MAP3K9: variants seen among roughly 807,000 people sequenced by gnomAD.
MAP3K9 encodes mitogen-activated protein kinase kinase kinase 9, also known as mixed lineage kinase 1 (tyr and ser/thr specificity).
Under a neutral mutation model 95.8 loss-of-function variants are expected in MAP3K9, and 46 were observed. The ratio of observed to expected loss-of-function variants is 0.48; its 90% CI spans 0.38 to 0.61. MAP3K9 has a LOEUF of 0.61. Ranked by LOEUF, MAP3K9 falls within the 20% of genes least tolerant of loss-of-function variation. The probability of loss-of-function intolerance (pLI) is 0.00; values close to 1 mark genes in which losing one functional copy is unlikely to be tolerated. For missense variants in MAP3K9, 1,296 were observed against 1,474.3 expected (o/e 0.88, Z 1.98); for synonymous variants, 533 against 593.8 (o/e 0.90, Z 1.49).
rs2053833722 is a variant in MAP3K9 at position 70,727,431 on chromosome 14, T to G, written c.*2949A>C. 1 of 152,234 alleles carries G rather than the reference T, an allele frequency of 6.6e-6. No homozygotes were observed. The highest frequency in any genetic ancestry group is 2.4e-5 in the African/African-American group (1 of 41,430). The allele number at this position is 152,234 out of a possible 1,614,324, so 9.4% of individuals were successfully genotyped here. Reference sequence around the variant, plus strand: ...TTCCTATTACCATCTTCCATGAAGTTAGCACCTGCCAAGAGCAGAAGGAAC... The same window carrying G: ...TTCCTATTACCATCTTCCATGAAGTGAGCACCTGCCAAGAGCAGAAGGAAC... On this transcript the variant is annotated 3_prime_UTR_variant, in exon 12 of 12. Transcript: ENST00000554752.
rs2053828693 is a variant in MAP3K9 at position 70,727,052 on chromosome 14, CACTTGA to C, written c.*3322_*3327del. On this transcript the variant is annotated 3_prime_UTR_variant, in exon 12 of 12. Transcript: ENST00000554752. ...TCCAAGCCACTTTTTCATTTCTCTT[CACTTGA>C]ATTTTCATCTTTAAGCATTTCCCCT... 6.6e-6 allele frequency: 1 copy of C among 152,216 alleles called. No individual in the cohort carries two copies. Among genetic ancestry groups the C allele is most frequent in the South Asian group, 2.1e-4 (1 of 4,836 alleles). 9.4% of individuals were successfully genotyped at this position (152,216 alleles called of 1,614,324 possible). A position where few individuals can be genotyped will look rare whatever the true frequency, so the allele number is the denominator to read the frequency against.
chr14:70,730,399 T>C lies in MAP3K9; in HGVS notation c.3296A>G (p.Gln1099Arg). The C allele has an allele frequency of 1.2e-6, 2 of 1,607,864 alleles. No homozygotes were observed. Among genetic ancestry groups the C allele is most frequent in the Non-Finnish European group, 1.7e-6 (2 of 1,174,874 alleles). ...TTCGTGCTAAGACCAGAACTCCTGC[T>C]GGATCTCATAAGGGGCAGGCCTGTG... ...NTHRPAPYEI[Q>R]QEFWS Residue 1099 changes from glutamine to arginine, a missense_variant, in exon 12 of 12, where the codon CAG (glutamine) becomes CGG (arginine). By Grantham distance (43) the Gln-to-Arg change is conservative (BLOSUM62 1). Around this residue, in one of 5 missense-constraint regions of MAP3K9, gnomAD observed 433 missense variants for 441.4 expected, o/e 0.98. Transcript: ENST00000554752.
chr14:70,733,727 G>C lies in MAP3K9; in HGVS notation c.2027-385C>G, dbSNP rs73282810. On this transcript the variant is annotated intron_variant, in intron 10 of 11. Coordinates refer to ENST00000554752, the MANE Select transcript of MAP3K9 (RefSeq NM_001284230.2). ...CTGTTTCCAGGGGAGACTAAGATGG[G>C]AGTCAGGGGGCAGGGAGAGGAAGAC... 4.6e-3 allele frequency: 3,274 copies of C among 718,370 alleles called. 70 individuals carry two copies. The African/African-American group carries it at 0.05, about 11-fold the overall frequency. 44.5% of individuals were successfully genotyped at this position (718,370 alleles called of 1,614,324 possible).
At position 70,742,515 on chromosome 14, in the gene MAP3K9, C is replaced by G; in HGVS notation, c.1403G>C (p.Arg468Pro). Residue 468 changes from arginine (R) to proline (P), a missense_variant, in exon 6 of 12, where the codon CGG (arginine) becomes CCG (proline). By Grantham distance (103) the Arg-to-Pro change is moderately radical. Coordinates refer to ENST00000554752, the MANE Select transcript of MAP3K9 (RefSeq NM_001284230.2). ...CTCCCGCTCGGCCAGCTCCTGCTCCCGACGCCGCAGCAGTTCCTCCTGGTT... is the reference window on the plus strand; with the variant it reads ...CTCCCGCTCGGCCAGCTCCTGCTCCGGACGCCGCAGCAGTTCCTCCTGGTT... The part of the protein sequence containing the change: ...QKNQEELLRR[R>P]EQELAEREID... 6.2e-7 allele frequency: 1 copy of G among 1,614,232 alleles called. No homozygotes were observed. Among genetic ancestry groups the G allele is most frequent in the South Asian group, 1.1e-5 (1 of 91,088 alleles).
In MAP3K9 at chr14:70,730,967, G is replaced by A. The variant is rs2053894097; in HGVS notation, c.2831-103C>T. On this transcript the variant is annotated intron_variant, in intron 11 of 11. Coordinates refer to ENST00000554752, the MANE Select transcript of MAP3K9 (RefSeq NM_001284230.2). The stretch of plus-strand genomic sequence containing the variant: ...CACCACCATATCCCTACGCAATCAG[G>A]AGAACATGAATCACCAAATGTTTGT... The A allele has an allele frequency of 3.1e-6, 4 of 1,273,618 alleles. No homozygotes were observed. In the South Asian group the frequency reaches 6.1e-5, roughly 19 times the overall value. The allele number at this position is 1,273,618 out of a possible 1,614,324, so 78.9% of individuals were successfully genotyped here.
Position 70,724,677 on chromosome 14 carries a change from G to C in MAP3K9, c.*5703C>G, listed in dbSNP as rs2053796558. On this transcript the variant is annotated 3_prime_UTR_variant, in exon 12 of 12. Coordinates refer to ENST00000554752, the MANE Select transcript of MAP3K9 (RefSeq NM_001284230.2). ...CAGGCTTTGTCTGGGTTGGTGTCCA[G>C]GTGTGAAGGATCTCAGGAACAGGCA... The C allele has an allele frequency of 6.6e-6, 1 of 152,252 alleles. No homozygotes were observed. The highest frequency in any genetic ancestry group is 1.5e-5 in the Non-Finnish European group (1 of 68,048). 9.4% of individuals were successfully genotyped at this position (152,252 alleles called of 1,614,324 possible). A position where few individuals can be genotyped will look rare whatever the true frequency, so the allele number is the denominator to read the frequency against.
intron 2 of MAP3K9, among the ~76,000 whole-genome samples, chr14:70,790,203 C>T (rs2139841899): frequency 6.6e-6 from 1 of 152,294 alleles, no homozygotes; most frequent in South Asian, 2.1e-4. Flanking sequence ...CTTGTGGGCT[C>T]CTGTCAACTG....
In MAP3K9 at chr14:70,757,097, AC is replaced by A. The variant is rs572119170; in HGVS notation, c.1001+3904del. 9.2e-5 allele frequency among the ~76,000 whole-genome samples: 14 copies of A among 152,202 alleles called. No individual in the cohort carries two copies. In the East Asian group the frequency reaches 2.7e-3, roughly 29 times the overall value. On this transcript the variant is annotated intron_variant, in intron 3 of 11. Coordinates refer to ENST00000554752, the MANE Select transcript of MAP3K9 (RefSeq NM_001284230.2). ...AAATGAGGTTCAATATACAGATGCT[AC>A]AAAACATCACTGAAAGAAGTTAAAG...
chr14:70,783,306 T>C (rs2139830342), intron 2 of MAP3K9: 3 of 985,210 alleles, frequency 3.0e-6, no homozygotes, highest in South Asian at 9.4e-5. Flanking sequence ...TTCAAATTAG[T>C]CTGACTCTTA....
chr14:70,737,652 G>A (rs8011047), intron 8 of MAP3K9, among the ~76,000 whole-genome samples: 125,013 of 152,206 alleles, frequency 0.82, 51,698 homozygotes, highest in Middle Eastern at 0.91. Flanking sequence ...GTACTACCAG[G>A]GCTGGGTTAT....
chr14:70,748,704 G>A, intron 5 of MAP3K9, 125 bp downstream of exon 5: 4 of 684,920 alleles, frequency 5.8e-6, no homozygotes, highest in South Asian at 2.2e-5. Context: ...TGGAAGGTGG[G>A]CATGCTAGAA....
intron 2 of MAP3K9, among the ~76,000 whole-genome samples, chr14:70,769,167 G>T (rs763219096): frequency 6.6e-6 from 1 of 152,114 alleles, no homozygotes; most frequent in Non-Finnish European, 1.5e-5. Context: ...CACCATGTTT[G>T]TGCCTGTGAA....
At chr14:70,768,279 A>G (rs2054484789) in intron 2 of MAP3K9, among the ~76,000 whole-genome samples, 1 of 152,132 alleles carries the variant, frequency 6.6e-6, no homozygotes, top group African/African-American at 2.4e-5. Flanking sequence ...ATATACACCT[A>G]TTATGTACCC....
At position 70,807,068 on chromosome 14, in the gene MAP3K9, A is replaced by C. The variant is rs1288617828; in HGVS notation, c.406+1698T>G. 2.0e-5 allele frequency among the ~76,000 whole-genome samples: 3 copies of C among 152,194 alleles called. No homozygotes were observed. In the East Asian group the frequency reaches 5.8e-4, roughly 29 times the overall value. Reference sequence around the variant, plus strand: ...TGAAGAAAAATGAAGTTTTAAACTGAATGAGAGGGAGAGGGGGAACCTAAA... The same window carrying C: ...TGAAGAAAAATGAAGTTTTAAACTGCATGAGAGGGAGAGGGGGAACCTAAA... On this transcript the variant is annotated intron_variant, in intron 1 of 11. Coordinates refer to ENST00000554752, the MANE Select transcript of MAP3K9 (RefSeq NM_001284230.2).
rs1566740833 is a variant in MAP3K9, at chr14:70,750,502, T to TTTG, written c.1002-422_1002-421insCAA. 1.7e-4 allele frequency among the ~76,000 whole-genome samples: 26 copies of TTTG among 152,130 alleles called. 1 individual carries two copies. Among genetic ancestry groups the TTTG allele is most frequent in the African/African-American group, 5.8e-4 (24 of 41,488 alleles). ...TTTTTGTTTGTTTGTTTGTTTGTTTTGGGATGGAGTTTCGCTCGGTTGCTC... is the reference window on the plus strand; with the variant it reads ...TTTTTGTTTGTTTGTTTGTTTGTTTTTTGGGGATGGAGTTTCGCTCGGTTGCTC... On this transcript the variant is annotated intron_variant, in intron 3 of 11. Transcript: ENST00000554752.
rs559511820 is a variant in MAP3K9, at chr14:70,795,121, G to A, written c.820+5546C>T. Among the ~76,000 whole-genome samples the A allele has an allele frequency of 3.4e-5, 5 of 148,972 alleles. No homozygotes were observed. In the East Asian group the frequency reaches 9.9e-4, roughly 30 times the overall value. ...TGATTCTCTTGCCTCAGCTTCCTGAGTAGCTGGGACTACAGGCGCATGCCA... is the reference window on the plus strand; with the variant it reads ...TGATTCTCTTGCCTCAGCTTCCTGAATAGCTGGGACTACAGGCGCATGCCA... On this transcript the variant is annotated intron_variant, in intron 2 of 11. Transcript: ENST00000554752.
At chr14:70,779,703 C>G (rs1461485317) in intron 2 of MAP3K9, among the ~76,000 whole-genome samples, 1 of 152,242 alleles carries the variant, frequency 6.6e-6, no homozygotes. Context: ...CCTTCATTTT[C>G]AGTTGTAGCT....
chr14:70,778,129 G>T (rs1048769852), intron 2 of MAP3K9, among the ~76,000 whole-genome samples: 2 of 151,912 alleles, frequency 1.3e-5, no homozygotes, highest in African/African-American at 4.8e-5. Flanking sequence ...TTGAGACAAG[G>T]TATCACTCTG....
At position 70,748,839 on chromosome 14, in the gene MAP3K9, G is replaced by A. The variant is rs1167954560; in HGVS notation, c.1316C>T (p.Ala439Val). 1 of 1,609,340 alleles carries A rather than the reference G, an allele frequency of 6.2e-7. No individual in the cohort carries two copies. Among genetic ancestry groups the A allele is most frequent in the Non-Finnish European group, 8.5e-7 (1 of 1,178,266 alleles). ...TTTTGTTTTGTTTACCTTTTCTTTG[G>A]CCCTGAGTTGGTCAAACATCTCCTG... is the stretch of plus-strand genomic sequence containing the variant. ...EIQEMFDQLR[A>V]KEKELRTWEE... is the part of the protein sequence containing the mutation. Residue 439 changes from alanine (A) to valine (V), a missense_variant, in exon 5 of 12, where the codon GCC becomes GTC. By Grantham distance (64) the Ala-to-Val change is moderately conservative. This residue lies in a region of MAP3K9 where 377 missense variants were observed against 417.1 expected (regional missense o/e 0.90). Transcript: ENST00000554752.
Sources: allele counts gnomAD v4.1 joint callset (sites outside exome capture counted in the v4.1 genomes callset), GRCh38; gene constraint gnomAD v4.1.1; regional missense constraint gnomAD v4.1.1; transcripts MANE v1.5; gene names NCBI Gene and HGNC (gene_info 2026-07-23, HGNC 2026-07-21).